The following MYNN variants were observed in gnomAD, a reference collection of about 807,000 sequenced individuals.
MYNN encodes myoneurin.
Under a neutral mutation model 57.2 loss-of-function variants are expected in MYNN, and 22 were observed. The observed-to-expected ratio is 0.38, with a 90% CI of 0.27 to 0.55. The LOEUF is 0.55. Ranked by LOEUF, MYNN falls within the 20% of genes least tolerant of loss-of-function variation. The probability of loss-of-function intolerance (pLI) is 0.71; values close to 1 mark genes in which losing one functional copy is unlikely to be tolerated. For synonymous variants in MYNN, 241 were observed against 257.1 expected (o/e 0.94, Z 0.60); for missense variants, 566 against 723.1 (o/e 0.78, Z 2.49).
chr3:169,786,831 A>T lies in MYNN; in HGVS notation c.*153A>T, dbSNP rs1385385767. 4.1e-6 allele frequency: 3 copies of T among 736,546 alleles called. No homozygotes were observed. Among genetic ancestry groups the T allele is most frequent in the Non-Finnish European group, 6.5e-6 (3 of 462,838 alleles). 45.6% of individuals were successfully genotyped at this position (736,546 alleles called of 1,614,324 possible). ...GCACCTGATGCTGCATCACAACTGC[A>T]ATGTTTGTTTTTATTTTTGGCTTTA... On this transcript the variant is annotated 3_prime_UTR_variant, in exon 8 of 8. Coordinates refer to ENST00000349841, the MANE Select transcript of MYNN (RefSeq NM_018657.5).
intron 7 of MYNN, among the ~76,000 whole-genome samples, chr3:169,785,532 A>G (rs559501107): frequency 6.6e-6 from 1 of 152,120 alleles, no homozygotes; most frequent in African/African-American, 2.4e-5. Context: ...GCTAAAGAAG[A>G]TACTATGTTT....
chr3:169,779,319 C>T lies in MYNN; in HGVS notation c.818C>T (p.Ser273Phe). 6.2e-7 allele frequency: 1 copy of T among 1,614,158 alleles called. No individual in the cohort carries two copies. Among genetic ancestry groups the T allele is most frequent in the Non-Finnish European group, 8.5e-7 (1 of 1,180,036 alleles). Residue 273 changes from serine (S) to phenylalanine (F), a missense_variant, in exon 3 of 8, where the codon TCT (serine) becomes TTT (phenylalanine). Ser to Phe is a radical substitution (Grantham distance 155, BLOSUM62 -2). This residue lies in a region of MYNN where 261 missense variants were observed against 280.8 expected (regional missense o/e 0.93). Transcript: ENST00000349841. ...SQPNCALKEH[S>F]MSNIASVKSP... is the part of the protein sequence containing the mutation. ...CCAAACTGTGCTCTGAAAGAACACT[C>T]TATGTCTAATATAGCCAGCGTCAAG...
chr3:169,779,038 G>A lies in MYNN; in HGVS notation c.537G>A (p.Thr179=), dbSNP rs747216437. The stretch of plus-strand genomic sequence containing the variant: ...CGTTAGCGAAAAAGTCATCTCAAAC[G>A]AAAAAGAAGAAGAAGGCTTTCAACT... ...QGALAKKSSQ[T]KKKKKAFNSP... is the part of the protein sequence containing the mutation. Residue 179 remains threonine (T), a synonymous_variant, in exon 3 of 8, where the codon ACG becomes ACA. Coordinates refer to ENST00000349841, the MANE Select transcript of MYNN (RefSeq NM_018657.5). 8.1e-6 allele frequency: 13 copies of A among 1,613,826 alleles called. No individual in the cohort carries two copies. Among genetic ancestry groups the A allele is most frequent in the African/African-American group, 8.0e-5 (6 of 74,912 alleles).
chr3:169,784,801 T>A (rs1450084453), intron 7 of MYNN, 93 bp downstream of exon 7: 2 of 783,312 alleles, frequency 2.6e-6, no homozygotes, highest in East Asian at 5.9e-5. Flanking sequence ...AGATTTACAT[T>A]TAAGCAGTTT....
Position 169,788,685 on chromosome 3 carries a change from G to A in MYNN, c.*2007G>A, listed in dbSNP as rs770242944. The A allele has an allele frequency of 3.3e-5, 5 of 152,064 alleles. No homozygotes were observed. The highest frequency in any genetic ancestry group is 7.2e-5 in the African/African-American group (3 of 41,420). The allele number at this position is 152,064 out of a possible 1,614,324, so 9.4% of individuals were successfully genotyped here. ...TATTATTTTTAGTATTATTTGATAC[G>A]ATTGAAGTGGCTAAGATTGATTGAG... On this transcript the variant is annotated 3_prime_UTR_variant, in exon 8 of 8. Coordinates refer to ENST00000349841, the MANE Select transcript of MYNN (RefSeq NM_018657.5).
chr3:169,778,995 C>A lies in MYNN; in HGVS notation c.494C>A (p.Ala165Glu), dbSNP rs1778431380. The change falls in exon 3 of 8, where the codon GCA becomes GAA. Residue 165 changes from alanine to glutamate, a missense_variant. Transcript: ENST00000349841. ...GAAGTATCTACAGATTTGATTCAGG[C>A]AAATCCTAAACAAGGCGCGTTAGCG... ...KSEVSTDLIQ[A>E]NPKQGALAKK... 1 of 1,613,594 alleles carries A rather than the reference C, an allele frequency of 6.2e-7. No individual in the cohort carries two copies. Among genetic ancestry groups the A allele is most frequent in the African/African-American group, 1.3e-5 (1 of 74,898 alleles).
At position 169,774,551 on chromosome 3, in the gene MYNN, A is replaced by T. The variant is rs368733155; in HGVS notation, c.256A>T (p.Asn86Tyr). The change falls in exon 2 of 8, where the codon AAT (asparagine) becomes TAT (tyrosine). Residue 86 changes from asparagine to tyrosine, a missense_variant. Physicochemically the swap from Asn to Tyr is moderately radical, Grantham distance 143. Coordinates refer to ENST00000349841, the MANE Select transcript of MYNN (RefSeq NM_018657.5). ...LLEFIYTGTL[N>Y]LDSWNVKEIH... Reference sequence around the variant, plus strand: ...GGAGTTTATATACACAGGAACTTTAAATCTTGACAGGTAAAGTACACATTT... The same window carrying T: ...GGAGTTTATATACACAGGAACTTTATATCTTGACAGGTAAAGTACACATTT... The T allele has an allele frequency of 1.2e-6, 2 of 1,610,968 alleles. No homozygotes were observed. Among genetic ancestry groups the T allele is most frequent in the African/African-American group, 1.3e-5 (1 of 74,934 alleles).
rs371549875 is a variant in MYNN at position 169,786,706 on chromosome 3, A to G, written c.*28A>G. The G allele has an allele frequency of 9.4e-6, 15 of 1,597,006 alleles. No homozygotes were observed. The highest frequency in any genetic ancestry group is 6.7e-5 in the African/African-American group (5 of 74,536). On this transcript the variant is annotated 3_prime_UTR_variant, in exon 8 of 8. Coordinates refer to ENST00000349841, the MANE Select transcript of MYNN (RefSeq NM_018657.5). ...TTGTAAGGAATATGGAATTGCTAAG[A>G]TATCATTGGTAGCAAACATCTCTGG...
rs776269893 is a variant in MYNN, at chr3:169,779,176, A to G, written c.675A>G (p.Gln225=). Reference sequence around the variant, plus strand: ...AACTGCCCACACCTGTAGTAGAACAAGTTGCACAAATAAATGATAATTCAG... The same window carrying G: ...AACTGCCCACACCTGTAGTAGAACAGGTTGCACAAATAAATGATAATTCAG... ...ANKLPTPVVE[Q]VAQINDNSEL... is the part of the protein sequence containing the mutation. The change falls in exon 3 of 8, where the codon CAA becomes CAG. Residue 225 remains glutamine (Q), a synonymous_variant. Transcript: ENST00000349841. The G allele has an allele frequency of 5.0e-6, 8 of 1,614,106 alleles. No individual in the cohort carries two copies. In the East Asian group the frequency reaches 1.6e-4, roughly 31 times the overall value.
chr3:169,777,824 G>C (rs1778392636), intron 2 of MYNN: 1 of 152,174 alleles, frequency 6.6e-6, no homozygotes, highest in African/African-American at 2.4e-5. Flanking sequence ...GCTAATTTGG[G>C]TTGAGTATCA....
chr3:169,780,400 G>T (rs2108204053), intron 3 of MYNN, 190 bp from the exon 4 acceptor site: 1 of 467,162 alleles, frequency 2.1e-6, no homozygotes, highest in South Asian at 4.1e-5. Context: ...TTTATCTCGT[G>T]AATTCAGAAA....
rs557416860 is a variant in MYNN, at chr3:169,785,292, T to C, written c.1570+584T>C. ...CTAGGCCCTTCTGGTGTGTAAATAC[T>C]TAAACATCGTAAGTATTAAGTTAGA... is the stretch of plus-strand genomic sequence containing the variant. On this transcript the variant is annotated intron_variant, in intron 7 of 7. Transcript: ENST00000349841. Among the ~76,000 whole-genome samples the C allele has an allele frequency of 5.3e-5, 8 of 152,134 alleles. No homozygotes were observed. In the South Asian group the frequency reaches 1.7e-3, roughly 32 times the overall value.
chr3:169,774,639 A>G (rs1778274612), intron 2 of MYNN, 78 bp downstream of exon 2: 5 of 1,359,578 alleles, frequency 3.7e-6, no homozygotes, highest in Non-Finnish European at 5.1e-6. Context: ...TATTTTTTCC[A>G]TTCATTCTCT....
chr3:169,775,572 ACCT>A (rs1375943982), intron 2 of MYNN, among the ~76,000 whole-genome samples: 1 of 152,172 alleles, frequency 6.6e-6, no homozygotes, highest in Non-Finnish European at 1.5e-5. Context: ...GGTAATAACT[ACCT>A]TGAGGCTAAA....
rs773786665 is a variant in MYNN at position 169,784,670 on chromosome 3, T to C, written c.1532T>C (p.Ile511Thr). ...TTATGTGGAAATTCTTACACAGATA[T>C]TAAAAATTTAAAGAAGCACAAAACA... ...CELCGNSYTD[I>T]KNLKKHKTKV... The change falls in exon 7 of 8, where the codon ATT becomes ACT. Residue 511 changes from isoleucine to threonine, a missense_variant. Physicochemically the swap from Ile to Thr is moderately conservative, Grantham distance 89. Transcript: ENST00000349841. The C allele has an allele frequency of 1.3e-6, 2 of 1,582,018 alleles. No homozygotes were observed. The highest frequency in any genetic ancestry group is 1.4e-5 in the African/African-American group (1 of 73,004).
rs1577400257 is a variant in MYNN, at chr3:169,783,534, T to C, written c.1457T>C (p.Leu486Pro). 2 of 1,611,444 alleles carry C rather than the reference T, an allele frequency of 1.2e-6. No individual in the cohort carries two copies. Among genetic ancestry groups the C allele is most frequent in the Middle Eastern group, 1.7e-4 (1 of 6,020 alleles). The change falls in exon 6 of 8, where the codon CTC becomes CCC. Residue 486 changes from leucine (L) to proline (P), a missense_variant. By Grantham distance (98) the Leu-to-Pro change is moderately conservative. Transcript: ENST00000349841. The stretch of plus-strand genomic sequence containing the variant: ...AAAAGTTTTATTTCCTCAGGAGAGC[T>C]CAACAAACACTTTCGGTCCCATACA... Reference protein sequence around the residue: ...CGKSFISSGELNKHFRSHTGE... With the variant: ...CGKSFISSGEPNKHFRSHTGE...
At position 169,787,681 on chromosome 3, in the gene MYNN, A is replaced by G. The variant is rs1164045921; in HGVS notation, c.*1003A>G. On this transcript the variant is annotated 3_prime_UTR_variant, in exon 8 of 8. Transcript: ENST00000349841. ...AACATTTTGAGTTACCAGAAAGCCA[A>G]CTATAGTTAAATATTTTATATCTGA... 6.6e-6 allele frequency: 1 copy of G among 152,146 alleles called. No homozygotes were observed. The allele number at this position is 152,146 out of a possible 1,614,324, so 9.4% of individuals were successfully genotyped here. A position where few individuals can be genotyped will look rare whatever the true frequency, so the allele number is the denominator to read the frequency against.
At position 169,779,267 on chromosome 3, in the gene MYNN, G is replaced by T; in HGVS notation, c.766G>T (p.Val256Leu). The change falls in exon 3 of 8, where the codon GTG becomes TTG. Residue 256 changes from valine to leucine, a missense_variant. Around this residue, in one of 4 missense-constraint regions of MYNN, gnomAD observed 261 missense variants for 280.8 expected, o/e 0.93. Transcript: ENST00000349841. ...ACAAGATATTGTGCACACTGTTACAGTGAAACGGAAACGTGGAAAATCACA... is the reference window on the plus strand; with the variant it reads ...ACAAGATATTGTGCACACTGTTACATTGAAACGGAAACGTGGAAAATCACA... ...PAQDIVHTVT[V>L]KRKRGKSQPN... The T allele has an allele frequency of 6.2e-7, 1 of 1,614,188 alleles. No individual in the cohort carries two copies. Among genetic ancestry groups the T allele is most frequent in the Non-Finnish European group, 8.5e-7 (1 of 1,180,048 alleles).
chr3:169,779,344 G>C lies in MYNN; in HGVS notation c.843G>C (p.Lys281Asn), dbSNP rs779765235. 1.2e-5 allele frequency: 20 copies of C among 1,614,094 alleles called. No individual in the cohort carries two copies. Among genetic ancestry groups the C allele is most frequent in the Non-Finnish European group, 1.7e-5 (20 of 1,180,056 alleles). The change falls in exon 3 of 8, where the codon AAG (lysine) becomes AAC (asparagine). Residue 281 changes from lysine to asparagine, a missense_variant. Physicochemically the swap from Lys to Asn is moderately conservative, Grantham distance 94 (BLOSUM62 0). Around this residue, in one of 4 missense-constraint regions of MYNN, gnomAD observed 261 missense variants for 280.8 expected, o/e 0.93. Coordinates refer to ENST00000349841, the MANE Select transcript of MYNN (RefSeq NM_018657.5). ...EHSMSNIASV[K>N]SPYEAENSGE... ...CTATGTCTAATATAGCCAGCGTCAAGAGTCCTTATGAGGCGGAGAACTCCG... is the reference window on the plus strand; with the variant it reads ...CTATGTCTAATATAGCCAGCGTCAACAGTCCTTATGAGGCGGAGAACTCCG...
Sources: gnomAD v4.1 joint callset for allele counts (sites outside exome capture counted in the v4.1 genomes callset) on GRCh38, gnomAD v4.1.1 for gene constraint, gnomAD v4.1.1 regional missense constraint, MANE v1.5 for transcripts, NCBI Gene and HGNC (gene_info 2026-07-23, HGNC 2026-07-21) for gene names.